FBXW11: variants seen among roughly 807,000 people sequenced by gnomAD.
FBXW11 encodes F-box and WD repeat domain containing 11, also known as F-box/WD repeat-containing protein 11.
A neutral mutation model predicts 77.6 loss-of-function variants in FBXW11; 19 were observed. That is an observed-to-expected ratio of 0.24 (90% CI 0.17 to 0.36). The LOEUF (loss-of-function observed/expected upper bound fraction) is 0.36, where lower values mean the gene tolerates loss of function less well. Among genes scored for constraint, FBXW11 ranks in the 10% least tolerant of loss-of-function variants. The probability of loss-of-function intolerance (pLI) is 1.00; values close to 1 mark genes in which losing one functional copy is unlikely to be tolerated. For missense variants in FBXW11, 334 were observed against 704.2 expected (o/e 0.47, Z 5.95); for synonymous variants, 235 against 249.4 (o/e 0.94, Z 0.54).
At chr5:171,945,995 T>C (rs1022811894) in intron 2 of FBXW11, among the ~76,000 whole-genome samples, 6 of 152,088 alleles carry the variant, frequency 3.9e-5, no homozygotes, top group Admixed American at 2.6e-4. Context: ...CAGATATTGG[T>C]GTAAGGGTAT....
At chr5:171,910,148 C>T (rs1026171857) in intron 4 of FBXW11, among the ~76,000 whole-genome samples, 28 of 150,782 alleles carry the variant, frequency 1.9e-4, no homozygotes, top group Admixed American at 7.3e-4. Context: ...TCACTGCAAC[C>T]TCCACCTCCT....
chr5:171,962,040 T>A (rs539896381), intron 1 of FBXW11, among the ~76,000 whole-genome samples: 1 of 152,370 alleles, frequency 6.6e-6, no homozygotes, highest in South Asian at 2.1e-4. Context: ...CATGATTGCT[T>A]AACTATTCAG....
Position 171,914,414 on chromosome 5 carries a change from G to T in FBXW11, c.148-9C>A. The stretch of plus-strand genomic sequence containing the variant: ...TCCATAACTGAAGTGTTCTAGGGGG[G>T]GAAAAACAGGTTATTTGAATTATAC... On this transcript the variant is annotated splice_polypyrimidine_tract_variant and intron_variant, in intron 2 of 13. Coordinates refer to ENST00000517395, the MANE Select transcript of FBXW11 (RefSeq NM_001378974.1). 6.4e-7 allele frequency: 1 copy of T among 1,568,664 alleles called. No homozygotes were observed. Among genetic ancestry groups the T allele is most frequent in the Non-Finnish European group, 8.6e-7 (1 of 1,165,260 alleles).
chr5:171,922,391 T>A (rs925459800), intron 2 of FBXW11, among the ~76,000 whole-genome samples: 2 of 152,228 alleles, frequency 1.3e-5, no homozygotes, highest in South Asian at 4.1e-4. Context: ...TACCTACACG[T>A]AGGCCCCTAA....
Position 171,870,742 on chromosome 5 carries a change from A to G in FBXW11, c.1451+6T>C, listed in dbSNP as rs1177697026. 1 of 1,599,466 alleles carries G rather than the reference A, an allele frequency of 6.3e-7. No homozygotes were observed. Among genetic ancestry groups the G allele is most frequent in the Admixed American group, 1.7e-5 (1 of 59,858 alleles). On this transcript the variant is annotated splice_donor_region_variant and intron_variant, in intron 11 of 13. Transcript: ENST00000517395. ...AGCAGTACATCTGAAAATCTGAAAG[A>G]CATACCCATCATAGGCCCCACTGAC...
intron 2 of FBXW11, among the ~76,000 whole-genome samples, chr5:171,947,208 C>A (rs1271647228): frequency 1.3e-5 from 2 of 152,058 alleles, no homozygotes; most frequent in African/African-American, 4.8e-5. Context: ...AGGCCCTATG[C>A]CTAACACATA....
At chr5:171,944,367 A>G (rs1215382280) in intron 2 of FBXW11, among the ~76,000 whole-genome samples, 1 of 151,944 alleles carries the variant, frequency 6.6e-6, no homozygotes, top group Non-Finnish European at 1.5e-5. Context: ...CGAGGTCAGG[A>G]GATCAAGACC....
chr5:171,948,992 T>C (rs1019684624), intron 2 of FBXW11, among the ~76,000 whole-genome samples: 1 of 152,262 alleles, frequency 6.6e-6, no homozygotes, highest in Non-Finnish European at 1.5e-5. Flanking sequence ...ATTAATTTAT[T>C]TGCTGTTTTT....
intron 2 of FBXW11, among the ~76,000 whole-genome samples, chr5:171,944,596 A>C (rs1222658508): frequency 7.0e-6 from 1 of 143,150 alleles, no homozygotes; most frequent in Non-Finnish European, 1.5e-5. Context: ...AAAAAAAAAC[A>C]ACTAAAAGAA....
chr5:171,945,433 A>T (rs1178100716), intron 2 of FBXW11, among the ~76,000 whole-genome samples: 1 of 152,258 alleles, frequency 6.6e-6, no homozygotes, highest in Non-Finnish European at 1.5e-5. Context: ...TAGAAGGTAG[A>T]TACCCCTGTT....
At chr5:171,887,752 G>A (rs1190390778) in intron 7 of FBXW11, among the ~76,000 whole-genome samples, 1 of 151,890 alleles carries the variant, frequency 6.6e-6, no homozygotes, top group Non-Finnish European at 1.5e-5. Context: ...CTGCCTCCTG[G>A]GTTCAAGCAA....
chr5:171,865,917 G>C (rs1757363157), intron 13 of FBXW11, among the ~76,000 whole-genome samples: 1 of 152,254 alleles, frequency 6.6e-6, no homozygotes, highest in South Asian at 2.1e-4. Flanking sequence ...TTCTTATTAT[G>C]CATAAATCTT....
chr5:171,931,104 TG>T (rs1762169855), intron 2 of FBXW11, among the ~76,000 whole-genome samples: 1 of 152,306 alleles, frequency 6.6e-6, no homozygotes. Context: ...TCTTCCCAAC[TG>T]GATCTATAGA....
intron 8 of FBXW11, among the ~76,000 whole-genome samples, chr5:171,877,154 C>T (rs1424201147): frequency 6.6e-6 from 1 of 152,074 alleles, no homozygotes; most frequent in Non-Finnish European, 1.5e-5. Context: ...TCTGGCTCTG[C>T]CTGAGTTTAG....
chr5:171,979,369 G>C (rs1301637381), intron 1 of FBXW11, among the ~76,000 whole-genome samples: 1 of 152,092 alleles, frequency 6.6e-6, no homozygotes, highest in Non-Finnish European at 1.5e-5. Context: ...ACATGTATAT[G>C]TATAGATGAA....
chr5:171,876,943 C>T lies in FBXW11; in HGVS notation c.972-409G>A, dbSNP rs1047338625. 6.6e-6 allele frequency among the ~76,000 whole-genome samples: 1 copy of T among 152,194 alleles called. No homozygotes were observed. The highest frequency in any genetic ancestry group is 6.5e-5 in the Admixed American group (1 of 15,284). On this transcript the variant is annotated intron_variant, in intron 8 of 13. Transcript: ENST00000517395. This position sits in a 1 kb window ranked among gnomAD's most constrained non-coding sequence, Gnocchi z 4.2. ...GTAGATGCTGGTGCCATGCTTCTTG[C>T]AGAGCCTGCAGAACCATGAGTCAAA...
intron 2 of FBXW11, among the ~76,000 whole-genome samples, chr5:171,914,703 C>T (rs1439065929): frequency 6.6e-6 from 1 of 152,182 alleles, no homozygotes; most frequent in East Asian, 1.9e-4. Flanking sequence ...TCCGTCATCA[C>T]TGTTTTTGTA....
intron 3 of FBXW11, among the ~76,000 whole-genome samples, chr5:171,912,834 T>A (rs1435847251): frequency 6.6e-6 from 1 of 151,440 alleles, no homozygotes. Context: ...TGCTTGAACC[T>A]GGGAGGCGGA....
intron 3 of FBXW11, 142 bp downstream of exon 3, chr5:171,914,201 T>A (rs535836104): frequency 3.0e-6 from 2 of 663,328 alleles, no homozygotes; most frequent in African/African-American, 1.9e-5. Context: ...TGAAGATAAA[T>A]TAGGGTGGAT....
Sources: allele counts gnomAD v4.1 joint callset (sites outside exome capture counted in the v4.1 genomes callset), GRCh38; gene constraint gnomAD v4.1.1; non-coding constraint Gnocchi (gnomAD v3.1); transcripts MANE v1.5; gene names NCBI Gene and HGNC (gene_info 2026-07-23, HGNC 2026-07-21).